Variants in AP1B1 observed in about 807,000 individuals in gnomAD.
AP1B1 encodes adaptor related protein complex 1 subunit beta 1, also known as AP-1 complex subunit beta-1.
A neutral mutation model predicts 104.3 loss-of-function variants in AP1B1; 36 were observed. The ratio of observed to expected loss-of-function variants is 0.35; its 90% confidence interval spans 0.26 to 0.46. The LOEUF is 0.46. AP1B1 is among the 20% of genes least tolerant of loss of function. The pLI is 1.00. For synonymous variants in AP1B1, 504 were observed against 517.5 expected (o/e 0.97, Z 0.35); for missense variants, 901 against 1,247.9 (o/e 0.72, Z 4.19).
chr22:29,379,062 GA>G (rs1187892595), intron 1 of AP1B1, among the ~76,000 whole-genome samples: 3 of 150,398 alleles, frequency 2.0e-5, no homozygotes, highest in Admixed American at 6.6e-5. Flanking sequence ...CTGCTGTGAA[GA>G]AAAAAAAGTG....
At chr22:29,373,534 T>C (rs899616608) in intron 1 of AP1B1, among the ~76,000 whole-genome samples, 7 of 152,038 alleles carry the variant, frequency 4.6e-5, no homozygotes, top group East Asian at 3.9e-4. Context: ...GTAAGGGAAA[T>C]GATCTGCATC....
intron 22 of AP1B1, 121 bp from the exon 23 acceptor site, chr22:29,329,016 G>T: frequency 6.7e-7 from 1 of 1,487,796 alleles, no homozygotes; most frequent in African/African-American, 1.4e-5. Flanking sequence ...ACAGCCTGGC[G>T]GCAGCTGCGC....
At chr22:29,384,160 C>G (rs996016008) in intron 1 of AP1B1, among the ~76,000 whole-genome samples, 1 of 152,156 alleles carries the variant, frequency 6.6e-6, no homozygotes, top group African/African-American at 2.4e-5. Flanking sequence ...GAGGCTAAAA[C>G]AAGTCAATAC....
In AP1B1 at chr22:29,330,399, C is replaced by T. The variant is rs1270902487; in HGVS notation, c.2745G>A (p.Gln915=). The change falls in exon 21 of 23, where the codon CAG becomes CAA. Residue 915 remains glutamine (Q), a synonymous_variant. Transcript: ENST00000357586. ...GIWVLAELRI[Q]PGNPSCTDLE... ...TCACCGTGCAGCTGGGGTTGCCCGG[C>T]TGGATCCGCAGCTCCGCCAGCACCC... 6.2e-7 allele frequency: 1 copy of T among 1,613,566 alleles called. No homozygotes were observed. Among genetic ancestry groups the T allele is most frequent in the Middle Eastern group, 1.6e-4 (1 of 6,062 alleles).
intron 1 of AP1B1, among the ~76,000 whole-genome samples, chr22:29,367,932 T>C (rs2062170092): frequency 6.6e-6 from 1 of 152,184 alleles, no homozygotes; most frequent in Non-Finnish European, 1.5e-5. Flanking sequence ...TTCCCAAATC[T>C]ACCTGGCCAG....
Position 29,366,986 on chromosome 22 carries a change from C to T in AP1B1, c.37+221G>A, listed in dbSNP as rs370987658. Among the ~76,000 whole-genome samples, 3 of 152,186 alleles carry T rather than the reference C, an allele frequency of 2.0e-5. No individual in the cohort carries two copies. In the East Asian group the frequency reaches 5.8e-4, roughly 29 times the overall value. On this transcript the variant is annotated intron_variant, in intron 2 of 22. Transcript: ENST00000357586. ...TAAAAGGGCACTTTTTTTCCCCACA[C>T]TTGGAGCTAATGTTCTTCCCTTTCT...
chr22:29,382,991 G>A (rs2062460942), intron 1 of AP1B1, among the ~76,000 whole-genome samples: 1 of 152,118 alleles, frequency 6.6e-6, no homozygotes, highest in Non-Finnish European at 1.5e-5. Flanking sequence ...TGGCTTATTG[G>A]TTTTTCTAAT....
At chr22:29,365,232 T>C (rs932733991) in intron 2 of AP1B1, among the ~76,000 whole-genome samples, 5 of 152,322 alleles carry the variant, frequency 3.3e-5, no homozygotes, top group Admixed American at 1.3e-4. Context: ...CTACCCAAGA[T>C]ACCCACTTTG....
intron 2 of AP1B1, among the ~76,000 whole-genome samples, chr22:29,364,777 C>G (rs761057571): frequency 6.6e-6 from 1 of 151,248 alleles, no homozygotes; most frequent in African/African-American, 2.4e-5. Flanking sequence ...GGTGCGATCT[C>G]GGCTCACCGC....
At position 29,342,282 on chromosome 22, in the gene AP1B1, C is replaced by T. The variant is rs1426117515; in HGVS notation, c.1536+3G>A. ...GGCACAGCGGGGAGGTTGGGGCACCCACCTGAGTGGCCAAACTGAGGACCT... is the reference window on the plus strand; with the variant it reads ...GGCACAGCGGGGAGGTTGGGGCACCTACCTGAGTGGCCAAACTGAGGACCT... On this transcript the variant is annotated splice_donor_region_variant and intron_variant, in intron 12 of 22. Coordinates refer to ENST00000357586, the MANE Select transcript of AP1B1 (RefSeq NM_001127.4). The T allele has an allele frequency of 2.5e-6, 4 of 1,612,912 alleles. No individual in the cohort carries two copies. The highest frequency in any genetic ancestry group is 3.4e-6 in the Non-Finnish European group (4 of 1,179,398).
At chr22:29,341,397 A>T in intron 13 of AP1B1, 104 bp downstream of exon 13, 1 of 1,438,664 alleles carries the variant, frequency 7.0e-7, no homozygotes, top group African/African-American at 1.4e-5. Flanking sequence ...TTTTCCTCAG[A>T]CTCAGGTCTT....
intron 18 of AP1B1, 85 bp downstream of exon 18, chr22:29,331,702 C>T (rs912842827): frequency 9.9e-6 from 16 of 1,609,650 alleles, no homozygotes; most frequent in South Asian, 9.9e-5. Flanking sequence ...AGCATGACTC[C>T]GCAGACACGA....
chr22:29,359,308 G>A (rs1207082635), intron 4 of AP1B1, among the ~76,000 whole-genome samples: 1 of 152,168 alleles, frequency 6.6e-6, no homozygotes, highest in Non-Finnish European at 1.5e-5. Flanking sequence ...TAGCATCACA[G>A]CCCTCGGTCT....
chr22:29,332,053 C>T, intron 17 of AP1B1, 137 bp from the exon 18 acceptor site: 1 of 887,818 alleles, frequency 1.1e-6, no homozygotes, highest in Non-Finnish European at 1.7e-6. Context: ...ATGTTCTGGA[C>T]CCTGGACAGA....
At chr22:29,387,464 T>C (rs976964426) in intron 1 of AP1B1, among the ~76,000 whole-genome samples, 2 of 152,126 alleles carry the variant, frequency 1.3e-5, no homozygotes, top group Non-Finnish European at 2.9e-5. Context: ...TACGCCACCA[T>C]GTCTGGCTAA....
At chr22:29,346,699 T>C (rs2061797949) in intron 11 of AP1B1, among the ~76,000 whole-genome samples, 1 of 151,936 alleles carries the variant, frequency 6.6e-6, no homozygotes, top group African/African-American at 2.4e-5. Context: ...AGGACTTGAC[T>C]GCAGGAGCAG....
At chr22:29,386,023 T>C (rs770100735) in intron 1 of AP1B1, among the ~76,000 whole-genome samples, 25 of 152,314 alleles carry the variant, frequency 1.6e-4, no homozygotes, top group Non-Finnish European at 2.9e-4. Context: ...TTAAGGTCTC[T>C]GTTTGCAGAA....
intron 16 of AP1B1, among the ~76,000 whole-genome samples, chr22:29,337,857 G>A (rs959454352): frequency 6.6e-5 from 10 of 152,196 alleles, no homozygotes; most frequent in East Asian, 1.9e-4. Context: ...GGAATCCCCC[G>A]GGGCCGGTGC....
At position 29,340,649 on chromosome 22, in the gene AP1B1, A is replaced by G. The variant is rs911087884; in HGVS notation, c.1998+7T>C. On this transcript the variant is annotated splice_region_variant and intron_variant, in intron 14 of 22. Coordinates refer to ENST00000357586, the MANE Select transcript of AP1B1 (RefSeq NM_001127.4). ...TCAACATCATCCAGAGGGGGCCCAC[A>G]ACATACCAGGCTGTCAAGGCCACCG... 1 of 1,538,716 alleles carries G rather than the reference A, an allele frequency of 6.5e-7. No homozygotes were observed. The highest frequency in any genetic ancestry group is 8.8e-7 in the Non-Finnish European group (1 of 1,138,136).
Sources: gnomAD v4.1 joint callset for allele counts (sites outside exome capture counted in the v4.1 genomes callset) on GRCh38, gnomAD v4.1.1 for gene constraint, MANE v1.5 for transcripts, NCBI Gene and HGNC (gene_info 2026-07-23, HGNC 2026-07-21) for gene names.